The following RAB31 variants were observed in gnomAD, a reference collection of about 807,000 sequenced individuals.
The protein encoded by RAB31 is RAB31, member RAS oncogene family.
A neutral mutation model predicts 25.6 loss-of-function variants in RAB31; 21 were observed. The ratio of observed to expected loss-of-function variants is 0.82; its 90% CI spans 0.58 to 1.18. The LOEUF is 1.18. Ranked by LOEUF, RAB31 falls within the 50% of genes most tolerant of loss-of-function variation. The pLI is 0.00. For synonymous variants in RAB31, 87 were observed against 84.0 expected, an observed-to-expected ratio of 1.04 and a Z score of -0.20; for missense variants, 196 against 250.1, an observed-to-expected ratio of 0.78 and a Z score of 1.46.
At chr18:9,812,998 C>T (rs776028011) in intron 3 of RAB31, among the ~76,000 whole-genome samples, 12 of 152,132 alleles carry the variant, frequency 7.9e-5, no homozygotes, top group Admixed American at 1.3e-4. Context: ...CACTCGGCCC[C>T]TCCAGGATAC....
chr18:9,800,153 C>T (rs550497354), intron 3 of RAB31, among the ~76,000 whole-genome samples: 7 of 152,256 alleles, frequency 4.6e-5, no homozygotes, highest in Admixed American at 3.3e-4. Flanking sequence ...TGGCTTTTAG[C>T]GAGAGGAGCT....
intron 1 of RAB31, among the ~76,000 whole-genome samples, chr18:9,753,102 G>C (rs1252560706): frequency 1.3e-5 from 2 of 152,194 alleles, no homozygotes; most frequent in Admixed American, 1.3e-4. Flanking sequence ...ATACTTATTT[G>C]CATAAAATGA....
chr18:9,750,213 C>T (rs1320834076), intron 1 of RAB31, among the ~76,000 whole-genome samples: 1 of 152,134 alleles, frequency 6.6e-6, no homozygotes. Context: ...CTTTCTGCAA[C>T]TGGTTTGCGG....
chr18:9,748,105 C>T (rs528831507), intron 1 of RAB31, among the ~76,000 whole-genome samples: 43 of 152,260 alleles, frequency 2.8e-4, no homozygotes, highest in Admixed American at 6.5e-4. Context: ...TTACTGGTGG[C>T]GTATCTCGCA....
At chr18:9,740,851 T>C (rs141723101) in intron 1 of RAB31, among the ~76,000 whole-genome samples, 171 of 152,288 alleles carry the variant, frequency 1.1e-3, no homozygotes, top group African/African-American at 3.8e-3. Context: ...AAATGACATA[T>C]GGAAGTTGCT....
intron 2 of RAB31, among the ~76,000 whole-genome samples, chr18:9,777,794 G>A (rs559012225): frequency 1.3e-3 from 176 of 131,330 alleles, no homozygotes; most frequent in African/African-American, 4.9e-3. Flanking sequence ...TTGCTCTGTC[G>A]CCCATGCTAG....
At chr18:9,717,653 G>A (rs187987155) in intron 1 of RAB31, among the ~76,000 whole-genome samples, 36 of 152,294 alleles carry the variant, frequency 2.4e-4, no homozygotes, top group African/African-American at 8.4e-4. Flanking sequence ...GACAGAGGGA[G>A]AAAGTGGAGA....
At chr18:9,825,257 A>C (rs577265082) in intron 5 of RAB31, among the ~76,000 whole-genome samples, 2 of 152,348 alleles carry the variant, frequency 1.3e-5, no homozygotes, top group South Asian at 4.1e-4. Context: ...CTGAACAAGT[A>C]GCACATGGCA....
At chr18:9,779,829 CA>C (rs1336627528) in intron 2 of RAB31, among the ~76,000 whole-genome samples, 2 of 152,244 alleles carry the variant, frequency 1.3e-5, no homozygotes, top group South Asian at 4.1e-4. Flanking sequence ...ACAGGTGACT[CA>C]ACTTTAATTG....
intron 1 of RAB31, among the ~76,000 whole-genome samples, chr18:9,759,472 A>G (rs1359514053): frequency 2.1e-5 from 3 of 145,796 alleles, no homozygotes; most frequent in Non-Finnish European, 3.0e-5. Flanking sequence ...CACCTGTCCT[A>G]TCTAGTAGAT....
At chr18:9,738,839 C>A (rs1407585771) in intron 1 of RAB31, among the ~76,000 whole-genome samples, 1 of 152,182 alleles carries the variant, frequency 6.6e-6, no homozygotes, top group Non-Finnish European at 1.5e-5. Flanking sequence ...CCTTGTAGGA[C>A]TCAGCCTCCC....
chr18:9,760,335 A>G (rs2068281917), intron 1 of RAB31, among the ~76,000 whole-genome samples: 1 of 151,762 alleles, frequency 6.6e-6, no homozygotes, highest in Non-Finnish European at 1.5e-5. Flanking sequence ...CACCATGCCC[A>G]GCTAATTTTT....
intron 5 of RAB31, among the ~76,000 whole-genome samples, chr18:9,822,012 G>C (rs1255697919): frequency 6.6e-6 from 1 of 152,060 alleles, no homozygotes; most frequent in African/African-American, 2.4e-5. Context: ...AAACGATATT[G>C]ACAAAGAAGA....
chr18:9,797,780 C>G (rs1469153170), intron 3 of RAB31, among the ~76,000 whole-genome samples: 1 of 152,140 alleles, frequency 6.6e-6, no homozygotes, highest in Non-Finnish European at 1.5e-5. Context: ...TCTTTATAAC[C>G]TGCTGTTTTC....
intron 1 of RAB31, chr18:9,734,941 AG>A: frequency 3.1e-6 from 1 of 318,234 alleles, no homozygotes; most frequent in South Asian, 2.9e-5. Context: ...AGAACTTTAT[AG>A]TAGCCCAGTT....
chr18:9,722,493 T>C (rs2068078257), intron 1 of RAB31, among the ~76,000 whole-genome samples: 1 of 152,232 alleles, frequency 6.6e-6, no homozygotes, highest in African/African-American at 2.4e-5. Flanking sequence ...CTGTTCATCA[T>C]GTGAAACTAA....
intron 2 of RAB31, among the ~76,000 whole-genome samples, chr18:9,777,291 C>A (rs1356801563): frequency 6.6e-6 from 1 of 152,156 alleles, no homozygotes; most frequent in Non-Finnish European, 1.5e-5. Context: ...TATCACTGCA[C>A]TCCAGCCTGG....
At chr18:9,737,968 G>A (rs557653285) in intron 1 of RAB31, among the ~76,000 whole-genome samples, 2 of 152,282 alleles carry the variant, frequency 1.3e-5, no homozygotes, top group African/African-American at 4.8e-5. Flanking sequence ...CAACAACGTG[G>A]TCCTGGCAGG....
intron 5 of RAB31, among the ~76,000 whole-genome samples, chr18:9,830,884 A>G (rs1339487089): frequency 6.6e-6 from 1 of 152,138 alleles, no homozygotes; most frequent in Non-Finnish European, 1.5e-5. Flanking sequence ...TTTGATATGT[A>G]TGCTGCTTAA....
Sources: allele counts gnomAD v4.1 joint callset (sites outside exome capture counted in the v4.1 genomes callset), GRCh38; gene constraint gnomAD v4.1.1; transcripts MANE v1.5; gene names NCBI Gene and HGNC (gene_info 2026-07-23, HGNC 2026-07-21).